The following SRFBP1 variants were observed in gnomAD, a reference collection of about 807,000 sequenced individuals.
SRFBP1 encodes the protein serum response factor binding protein 1.
A neutral mutation model predicts 45.5 loss-of-function variants in SRFBP1; 47 were observed. The ratio of observed to expected loss-of-function variants is 1.03; its 90% CI spans 0.82 to 1.32. SRFBP1 has a LOEUF of 1.32. SRFBP1 is among the 40% of genes most tolerant of loss of function. The pLI is 0.00. For synonymous variants in SRFBP1, 203 were observed against 166.3 expected (o/e 1.22, Z -1.70); for missense variants, 621 against 484.6 (o/e 1.28, Z -2.64).
intron 2 of SRFBP1, among the ~76,000 whole-genome samples, chr5:122,059,008 T>C (rs929412953): frequency 1.3e-5 from 2 of 152,192 alleles, no homozygotes; most frequent in African/African-American, 4.8e-5. Context: ...CCCACTGGCT[T>C]CATGTTGTCA....
chr5:122,053,158 T>C (rs1364760852), intron 2 of SRFBP1, among the ~76,000 whole-genome samples: 2 of 152,140 alleles, frequency 1.3e-5, no homozygotes, highest in Non-Finnish European at 2.9e-5. Flanking sequence ...CTGTGCTTCC[T>C]GGGAAAACAC....
downstream of SRFBP1, chr5:122,078,045 G>T: frequency 7.1e-7 from 1 of 1,405,032 alleles, no homozygotes; most frequent in South Asian, 1.7e-5. Context: ...AAATAAAAAC[G>T]GGGCTCAAAT....
In SRFBP1 at chr5:122,061,115, C is replaced by T. The variant is rs76453449; in HGVS notation, n.312-14200C>T. 1.9e-3 allele frequency among the ~76,000 whole-genome samples: 285 copies of T among 150,622 alleles called. 2 individuals carry two copies. The highest frequency in any genetic ancestry group is 3.2e-3 in the Non-Finnish European group (220 of 67,878). On this transcript the variant is annotated intron_variant and non_coding_transcript_variant, in intron 2 of 2. Transcript: ENST00000504881. ...TGGTTTAGCTCATCAGTTTGCAGAT[C>T]ACTAGCTGGTAGTATTGGCTCCAAA...
At chr5:122,012,263 A>T (rs1184860609) in intron 4 of SRFBP1, among the ~76,000 whole-genome samples, 9 of 152,112 alleles carry the variant, frequency 5.9e-5, no homozygotes, top group Non-Finnish European at 5.9e-5. Flanking sequence ...TAAGAATAAA[A>T]TTAAAGATTT....
downstream of SRFBP1, chr5:122,077,718 G>T (rs1479868051): frequency 6.3e-7 from 1 of 1,586,704 alleles, no homozygotes. The surrounding 1 kb of genome is among the most constrained non-coding windows in gnomAD (Gnocchi z 4.9). Flanking sequence ...AGCAGGATCG[G>T]AGTGCGGGGC....
intron 3 of SRFBP1, among the ~76,000 whole-genome samples, chr5:121,980,936 T>C (rs954762015): frequency 2.0e-5 from 3 of 152,158 alleles, no homozygotes; most frequent in Non-Finnish European, 4.4e-5. Context: ...CAGGGGTAGC[T>C]CTGCCACTGT....
chr5:122,049,463 T>G (rs1017470533), intron 2 of SRFBP1, among the ~76,000 whole-genome samples: 7 of 152,108 alleles, frequency 4.6e-5, no homozygotes, highest in Non-Finnish European at 1.0e-4. Flanking sequence ...ATTAGACAGA[T>G]CAACGAGACA....
intron 4 of SRFBP1, among the ~76,000 whole-genome samples, chr5:122,018,902 T>C (rs1212403913): frequency 1.3e-5 from 2 of 152,170 alleles, no homozygotes; most frequent in Non-Finnish European, 2.9e-5. Flanking sequence ...TTCTTTGATA[T>C]TAATTTAGTC....
rs912072262 is a variant in SRFBP1, at chr5:122,021,668, C to CTT, written c.1068-677_1068-676dup. ...TATCCCTTTACCACAAAATATAAAT[C>CTT]TTTTTTTTTTTTTTTTTTTTTTTTT... On this transcript the variant is annotated intron_variant, in intron 6 of 7. Coordinates refer to ENST00000339397, the MANE Select transcript of SRFBP1 (RefSeq NM_152546.3). 2.4e-3 allele frequency among the ~76,000 whole-genome samples: 231 copies of CTT among 96,972 alleles called. 5 individuals carry two copies. Among genetic ancestry groups the CTT allele is most frequent in the African/African-American group, 3.9e-3 (84 of 21,594 alleles). The allele number at this position is 96,972 out of a possible 152,430, so 63.6% of individuals were successfully genotyped here. A position where few individuals can be genotyped will look rare whatever the true frequency, so the allele number is the denominator to read the frequency against.
At chr5:122,044,048 C>T (rs76220037) in intron 2 of SRFBP1, among the ~76,000 whole-genome samples, 99 of 152,222 alleles carry the variant, frequency 6.5e-4, no homozygotes, top group African/African-American at 1.9e-3. Flanking sequence ...TGCTGTTCCT[C>T]TCCTAGTAGC....
chr5:122,058,356 A>G (rs1178482594), intron 2 of SRFBP1, among the ~76,000 whole-genome samples: 1 of 152,160 alleles, frequency 6.6e-6, no homozygotes, highest in Non-Finnish European at 1.5e-5. Flanking sequence ...TATCTTTTAC[A>G]TAATTAGTTT....
intron 7 of SRFBP1, among the ~76,000 whole-genome samples, chr5:122,026,159 T>G (rs2112715213): frequency 6.6e-6 from 1 of 152,346 alleles, no homozygotes; most frequent in East Asian, 1.9e-4. Context: ...TAGGACTGAT[T>G]AAGAAGTCTA....
chr5:122,005,494 T>C (rs1375641745), intron 4 of SRFBP1, among the ~76,000 whole-genome samples: 1 of 152,198 alleles, frequency 6.6e-6, no homozygotes, highest in South Asian at 2.1e-4. Context: ...AATATCTTAC[T>C]TCATTTCTTC....
At chr5:122,019,175 A>G (rs1210964251) in intron 4 of SRFBP1, 85 bp from the exon 5 acceptor site, 1 of 1,134,354 alleles carries the variant, frequency 8.8e-7, no homozygotes, top group African/African-American at 1.6e-5. Context: ...AATTTTAAAG[A>G]CTATGATAGA....
chr5:122,003,986 G>T (rs919122491), intron 4 of SRFBP1, among the ~76,000 whole-genome samples: 1 of 152,082 alleles, frequency 6.6e-6, no homozygotes, highest in African/African-American at 2.4e-5. Flanking sequence ...CCACACTGGA[G>T]TGCAGTGGCA....
At chr5:122,056,065 C>A (rs879279344) in intron 2 of SRFBP1, among the ~76,000 whole-genome samples, 5 of 152,110 alleles carry the variant, frequency 3.3e-5, no homozygotes, top group Non-Finnish European at 7.4e-5. Context: ...AATTAGAGAA[C>A]CTTTCACTCC....
intron 5 of SRFBP1, 86 bp downstream of exon 5, chr5:122,019,427 G>T: frequency 9.6e-7 from 1 of 1,038,084 alleles, no homozygotes; most frequent in Admixed American, 2.5e-5. Flanking sequence ...AACTCTTGAG[G>T]TTCTATTATA....
chr5:122,075,047 TA>T (rs1180142408), intron 2 of SRFBP1, among the ~76,000 whole-genome samples: 1 of 152,236 alleles, frequency 6.6e-6, no homozygotes, highest in Non-Finnish European at 1.5e-5. Flanking sequence ...ATGCTTGTGA[TA>T]AAAAACGTGT....
chr5:121,992,000 A>G (rs552767745), intron 3 of SRFBP1, among the ~76,000 whole-genome samples: 8 of 152,262 alleles, frequency 5.3e-5, no homozygotes, highest in Admixed American at 3.3e-4. Context: ...TGTTTGTCCG[A>G]ATAATATGGT....
Sources: allele counts gnomAD v4.1 joint callset (sites outside exome capture counted in the v4.1 genomes callset), GRCh38; gene constraint gnomAD v4.1.1; non-coding constraint Gnocchi (gnomAD v3.1); transcripts MANE v1.5; gene names NCBI Gene and HGNC (gene_info 2026-07-23, HGNC 2026-07-21).